Variants in IRAK1BP1 observed in about 807,000 individuals in gnomAD.
IRAK1BP1 encodes interleukin-1 receptor-associated kinase 1-binding protein 1.
IRAK1BP1 carries 24 observed loss-of-function variants against 28.0 expected under a neutral mutation model. The ratio of observed to expected loss-of-function variants is 0.86; its 90% CI spans 0.62 to 1.20. IRAK1BP1 has a LOEUF of 1.20. IRAK1BP1 is among the 50% of genes most tolerant of loss of function. The pLI is 0.00. For missense variants in IRAK1BP1, 336 were observed against 316.7 expected, an observed-to-expected ratio of 1.06 and a Z score of -0.46; for synonymous variants, 131 against 116.3, an observed-to-expected ratio of 1.13 and a Z score of -0.81.
Position 78,871,144 on chromosome 6 carries a change from G to A in IRAK1BP1, c.315+3253G>A, listed in dbSNP as rs115319581. On this transcript the variant is annotated intron_variant, in intron 1 of 3. Coordinates refer to ENST00000369940, the MANE Select transcript of IRAK1BP1 (RefSeq NM_001010844.4). ...GAATCTGGGCATCCAAGATCAAGGA[G>A]CCAGTAGATTTGGTATATAGTGAAT... is the stretch of plus-strand genomic sequence containing the variant. The A allele has an allele frequency of 2.3e-3, 963 of 416,672 alleles. 5 individuals are homozygous for A. Among genetic ancestry groups the A allele is most frequent in the African/African-American group, 0.019 (886 of 45,984 alleles). The allele number at this position is 416,672 out of a possible 1,614,324, so 25.8% of individuals were successfully genotyped here. A position where few individuals can be genotyped will look rare whatever the true frequency, so the allele number is the denominator to read the frequency against.
chr6:78,946,338 T>G (rs1773817433), exon 5 of IRAK1BP1: 1 of 1,446,378 alleles, frequency 6.9e-7, no homozygotes, highest in South Asian at 1.4e-5. Flanking sequence ...ATTTTTGGAT[T>G]CAATATTTGT....
chr6:78,885,720 A>G (rs1771406996), intron 2 of IRAK1BP1, among the ~76,000 whole-genome samples: 1 of 152,140 alleles, frequency 6.6e-6, no homozygotes, highest in Non-Finnish European at 1.5e-5. Context: ...TGCGGGTGAC[A>G]CTACAGGAGA....
chr6:78,941,306 A>C lies in IRAK1BP1; in HGVS notation c.*68-4102A>C, dbSNP rs1325784675. 1 of 1,613,396 alleles carries C rather than the reference A, an allele frequency of 6.2e-7. No individual in the cohort carries two copies. Among genetic ancestry groups the C allele is most frequent in the Admixed American group, 1.7e-5 (1 of 59,942 alleles). The stretch of plus-strand genomic sequence containing the variant: ...GCCATTTACTTGAATGGTTCCTGGT[A>C]CAAGAGCGTTGTTCTTACAATCTCC... On this transcript the variant is annotated intron_variant and NMD_transcript_variant, in intron 4 of 4. Transcript: ENST00000606868.
At chr6:78,968,082 C>T in the IRAK1BP1 span, among the ~76,000 whole-genome samples, 1 of 152,068 alleles carries the variant, frequency 6.6e-6, no homozygotes, top group African/African-American at 2.4e-5. Context: ...TTGCAGTGAG[C>T]CAAGATCACG....
At chr6:78,914,874 G>A (rs1211093588) in intron 4 of IRAK1BP1, among the ~76,000 whole-genome samples, 1 of 152,184 alleles carries the variant, frequency 6.6e-6, no homozygotes. Flanking sequence ...GGGCTGGAGT[G>A]CAGTGGTGTG....
chr6:78,952,282 G>A, the IRAK1BP1 span, among the ~76,000 whole-genome samples: 5 of 152,060 alleles, frequency 3.3e-5, no homozygotes, highest in Admixed American at 1.3e-4. Context: ...AGTTGGGCGT[G>A]GTGGCATGCG....
chr6:78,917,210 A>C (rs1219351949), intron 4 of IRAK1BP1, among the ~76,000 whole-genome samples: 1 of 152,094 alleles, frequency 6.6e-6, no homozygotes, highest in Non-Finnish European at 1.5e-5. Context: ...GGAAGAGATA[A>C]ACATTTTAAA....
chr6:78,948,429 A>G (rs564334764), downstream of IRAK1BP1, among the ~76,000 whole-genome samples: 2 of 152,224 alleles, frequency 1.3e-5, no homozygotes, highest in Non-Finnish European at 2.9e-5. Flanking sequence ...GAAAATTATC[A>G]TAATATGGTA....
downstream of IRAK1BP1, chr6:78,947,493 C>T: frequency 1.8e-6 from 1 of 544,172 alleles, no homozygotes; most frequent in Non-Finnish European, 3.2e-6. Context: ...TTTCTTTTTC[C>T]AGTAGGACAA....
the IRAK1BP1 span, among the ~76,000 whole-genome samples, chr6:78,975,904 G>T: frequency 6.7e-6 from 1 of 150,316 alleles, no homozygotes; most frequent in Admixed American, 6.6e-5. Context: ...AACATTCCAT[G>T]CTCATGGGTA....
chr6:78,978,055 C>T, the IRAK1BP1 span, among the ~76,000 whole-genome samples: 1 of 152,048 alleles, frequency 6.6e-6, no homozygotes, highest in Non-Finnish European at 1.5e-5. Flanking sequence ...CCAGTTCTTA[C>T]ATTTTCATTC....
chr6:78,907,802 C>T (rs1772297144), downstream of IRAK1BP1, among the ~76,000 whole-genome samples: 3 of 151,958 alleles, frequency 2.0e-5, no homozygotes, highest in South Asian at 6.2e-4. Flanking sequence ...TCACTGCAAC[C>T]TCTGCCTCCC....
the IRAK1BP1 span, among the ~76,000 whole-genome samples, chr6:78,959,824 A>C: frequency 2.0e-5 from 3 of 152,198 alleles, no homozygotes; most frequent in African/African-American, 7.2e-5. Flanking sequence ...ATGGTGTTAC[A>C]TCCTGATAAA....
intron 1 of IRAK1BP1, among the ~76,000 whole-genome samples, chr6:78,884,678 A>G (rs1582004334): frequency 6.6e-6 from 1 of 152,146 alleles, no homozygotes; most frequent in African/African-American, 2.4e-5. Context: ...TGATTTGATA[A>G]ATGTGGAAAC....
Position 78,900,615 on chromosome 6 carries a change from C to T in IRAK1BP1, c.*2281C>T, listed in dbSNP as rs1010848415. ...CTTGTTCACAGTTGTGTTCCCAGCC[C>T]CAGAGGTAGTCTCAGGGCCAATATC... On this transcript the variant is annotated 3_prime_UTR_variant, in exon 4 of 4. Transcript: ENST00000369940. The T allele has an allele frequency of 6.6e-6, 1 of 152,116 alleles. No individual in the cohort carries two copies. 9.4% of individuals were successfully genotyped at this position (152,116 alleles called of 1,614,324 possible).
chr6:78,897,440 C>T (rs1771929632), intron 2 of IRAK1BP1, among the ~76,000 whole-genome samples: 1 of 151,838 alleles, frequency 6.6e-6, no homozygotes, highest in South Asian at 2.1e-4. Context: ...AAACATTTCT[C>T]AATGATAGCA....
At chr6:78,952,378 C>G in the IRAK1BP1 span, among the ~76,000 whole-genome samples, 1 of 145,466 alleles carries the variant, frequency 6.9e-6, no homozygotes, top group South Asian at 2.2e-4. Flanking sequence ...GAGATTGAGC[C>G]ACTGCACTCC....
chr6:78,921,184 G>C (rs1772714499), intron 4 of IRAK1BP1, among the ~76,000 whole-genome samples: 1 of 152,212 alleles, frequency 6.6e-6, no homozygotes, highest in Non-Finnish European at 1.5e-5. Context: ...GCCAAGGAAA[G>C]GGGTGACAGA....
At chr6:78,878,494 G>A (rs1055491223) in intron 1 of IRAK1BP1, among the ~76,000 whole-genome samples, 4 of 152,116 alleles carry the variant, frequency 2.6e-5, no homozygotes, top group East Asian at 1.9e-4. Flanking sequence ...CCATCTGTAC[G>A]TCACCATCAT....
Sources: gnomAD v4.1 joint callset for allele counts (sites outside exome capture counted in the v4.1 genomes callset) on GRCh38, gnomAD v4.1.1 for gene constraint, MANE v1.5 for transcripts, NCBI Gene and HGNC (gene_info 2026-07-23, HGNC 2026-07-21) for gene names.